MME: variants seen among roughly 807,000 people sequenced by gnomAD.
MME encodes the protein neprilysin.
Under a neutral mutation model 113.2 loss-of-function variants are expected in MME, and 98 were observed. That is an observed-to-expected ratio of 0.87 (90% CI 0.74 to 1.02). The LOEUF (loss-of-function observed/expected upper bound fraction) is 1.02, where lower values mean the gene tolerates loss of function less well. Ranked by LOEUF, MME falls within the 50% of genes least tolerant of loss-of-function variation. MME has a pLI of 0.00. For missense variants in MME, 836 were observed against 896.0 expected (o/e 0.93, Z 0.86); for synonymous variants, 292 against 300.6 (o/e 0.97, Z 0.30).
intron 17 of MME, among the ~76,000 whole-genome samples, chr3:155,161,739 A>G (rs1254355748): frequency 6.6e-6 from 1 of 152,176 alleles, no homozygotes; most frequent in Non-Finnish European, 1.5e-5. Context: ...TTTGTATAAC[A>G]TATAAATAAT....
At chr3:155,140,519 C>A (rs888322073) in intron 10 of MME, among the ~76,000 whole-genome samples, 1 of 147,436 alleles carries the variant, frequency 6.8e-6, no homozygotes. Flanking sequence ...CAGGCTCAAG[C>A]GATTCTCCTG....
chr3:155,076,101 G>T (rs913214511), upstream of MME, among the ~76,000 whole-genome samples: 1 of 152,104 alleles, frequency 6.6e-6, no homozygotes, highest in Non-Finnish European at 1.5e-5. Context: ...GAACAGTCTA[G>T]CTTGGACTAC....
chr3:155,065,521 A>G (rs1714357813), intron 1 of MME, among the ~76,000 whole-genome samples: 1 of 152,236 alleles, frequency 6.6e-6, no homozygotes, highest in African/African-American at 2.4e-5. Flanking sequence ...AGTCACATTC[A>G]GCCTTCAACA....
chr3:155,142,096 C>T lies in MME; in HGVS notation c.1063C>T (p.Leu355Phe). ...VVYAPEYLTK[L>F]KPILTKYSAR... is the part of the protein sequence containing the mutation. ...TTATGCTCCAGAATATTTAACCAAACTTAAGCCCATTCTTACCAAATATTC... is the reference window on the plus strand; with the variant it reads ...TTATGCTCCAGAATATTTAACCAAATTTAAGCCCATTCTTACCAAATATTC... The change falls in exon 11 of 23, where the codon CTT becomes TTT. Residue 355 changes from leucine (L) to phenylalanine (F), a missense_variant. Coordinates refer to ENST00000360490, the MANE Select transcript of MME (RefSeq NM_007289.4). The T allele has an allele frequency of 1.2e-6, 2 of 1,613,816 alleles. No homozygotes were observed. The highest frequency in any genetic ancestry group is 2.2e-5 in the East Asian group (1 of 44,868).
intron 9 of MME, 119 bp downstream of exon 9, chr3:155,138,355 T>C (rs910364043): frequency 9.8e-7 from 1 of 1,020,532 alleles, no homozygotes; most frequent in Non-Finnish European, 1.5e-6. Flanking sequence ...TAAAAATGCA[T>C]GGCTTGGTAA....
At chr3:155,041,955 T>A (rs762894230) in intron 1 of MME, among the ~76,000 whole-genome samples, 16 of 152,208 alleles carry the variant, frequency 1.1e-4, no homozygotes, top group Non-Finnish European at 1.5e-4. Flanking sequence ...CTCTAAATAT[T>A]TCTAAGCTTT....
At chr3:155,112,000 C>T (rs1464817138) in intron 3 of MME, among the ~76,000 whole-genome samples, 3 of 151,144 alleles carry the variant, frequency 2.0e-5, no homozygotes, top group African/African-American at 7.3e-5. Context: ...TTCCCGTTAC[C>T]ATATTTTTAT....
chr3:155,147,295 G>A, intron 15 of MME, 71 bp downstream of exon 15: 1 of 961,450 alleles, frequency 1.0e-6, no homozygotes, highest in East Asian at 2.4e-5. Context: ...TTTAGCTATG[G>A]GGTGCCTGAA....
At position 155,040,508 on chromosome 3, in the gene MME, A is replaced by G. The variant is rs181518980; in HGVS notation, c.-11+16184A>G. Reference sequence around the variant, plus strand: ...GCACATATATATAAAATACACAAACATATGTATTTATGTATATATAATATA... The same window carrying G: ...GCACATATATATAAAATACACAAACGTATGTATTTATGTATATATAATATA... On this transcript the variant is annotated intron_variant, in intron 1 of 22. Transcript: ENST00000492661. Among the ~76,000 whole-genome samples the G allele has an allele frequency of 1.8e-3, 269 of 152,020 alleles. 1 individual carries two copies. The highest frequency in any genetic ancestry group is 6.4e-3 in the African/African-American group (265 of 41,500).
At chr3:155,086,153 G>T (rs1188463191) in intron 3 of MME, among the ~76,000 whole-genome samples, 1 of 152,170 alleles carries the variant, frequency 6.6e-6, no homozygotes, top group Non-Finnish European at 1.5e-5. Context: ...AGCTGAAGAG[G>T]TTGGCCTGTG....
intron 3 of MME, among the ~76,000 whole-genome samples, chr3:155,106,690 G>A (rs1401522648): frequency 6.6e-6 from 1 of 152,148 alleles, no homozygotes; most frequent in Non-Finnish European, 1.5e-5. Flanking sequence ...GGCAGCAAGG[G>A]AATAGGGTCA....
intron 16 of MME, 84 bp from the exon 17 acceptor site, chr3:155,160,306 A>T (rs1722622216): frequency 1.1e-6 from 1 of 922,754 alleles, no homozygotes; most frequent in African/African-American, 1.6e-5. Flanking sequence ...TTCATCTAGG[A>T]ATGGTAATAA....
At chr3:155,098,120 A>G (rs1366719387) in intron 3 of MME, among the ~76,000 whole-genome samples, 1 of 152,204 alleles carries the variant, frequency 6.6e-6, no homozygotes, top group Admixed American at 6.5e-5. Flanking sequence ...TTGGAAGGGA[A>G]AAGGAAGGCA....
intron 1 of MME, among the ~76,000 whole-genome samples, chr3:155,044,235 C>G (rs535249751): frequency 2.6e-4 from 38 of 147,380 alleles, no homozygotes; most frequent in African/African-American, 9.2e-4. Context: ...CGGGTTCAAG[C>G]AATTCTCCTG....
intron 16 of MME, 104 bp downstream of exon 16, chr3:155,148,757 G>A (rs1721713313): frequency 2.5e-6 from 2 of 812,498 alleles, no homozygotes; most frequent in African/African-American, 1.7e-5. Flanking sequence ...ATATTAAAAA[G>A]TACAAAGTCC....
intron 22 of MME, among the ~76,000 whole-genome samples, chr3:155,174,325 C>CGTGTGTGTGTGT (rs3839085): frequency 8.2e-5 from 9 of 110,328 alleles, no homozygotes; most frequent in East Asian, 5.1e-4. Flanking sequence ...ACAACAGAAG[C>CGTGTGTGTGTGT]GTGTGTGTGT....
upstream of MME, among the ~76,000 whole-genome samples, chr3:155,078,955 G>A (rs778108782): frequency 2.6e-5 from 4 of 152,068 alleles, no homozygotes; most frequent in Non-Finnish European, 5.9e-5. Context: ...GGCGCATTAC[G>A]GCTGATTTCA....
intron 16 of MME, chr3:155,159,053 G>A (rs956776079): frequency 8.8e-4 from 133 of 151,988 alleles, no homozygotes; most frequent in African/African-American, 3.0e-3. Flanking sequence ...AAAAAGTCTT[G>A]ATAAGTTGTT....
At chr3:155,075,876 C>A, upstream of MME, among the ~76,000 whole-genome samples, 1 of 152,122 alleles carries the variant, frequency 6.6e-6, no homozygotes, top group East Asian at 1.9e-4. Context: ...CTTACACACC[C>A]CGTTGTCTGG....
Sources: gnomAD v4.1 joint callset for allele counts (sites outside exome capture counted in the v4.1 genomes callset) on GRCh38, gnomAD v4.1.1 for gene constraint, MANE v1.5 for transcripts, NCBI Gene and HGNC (gene_info 2026-07-23, HGNC 2026-07-21) for gene names.